GRIA4: variants seen among roughly 807,000 people sequenced by gnomAD.
The protein encoded by GRIA4 is glutamate receptor 4.
A neutral mutation model predicts 104.0 loss-of-function variants in GRIA4; 34 were observed. That is an observed-to-expected ratio of 0.33 (90% confidence interval 0.25 to 0.44). The LOEUF (loss-of-function observed/expected upper bound fraction) is 0.44, where lower values mean the gene tolerates loss of function less well. Ranked by LOEUF, GRIA4 falls within the 20% of genes least tolerant of loss-of-function variation. The probability of loss-of-function intolerance (pLI) is 1.00; values close to 1 mark genes in which losing one functional copy is unlikely to be tolerated. For synonymous variants in GRIA4, 386 were observed against 381.9 expected (o/e 1.01, Z -0.13); for missense variants, 750 against 1,096.5 (o/e 0.68, Z 4.46).
intron 5 of GRIA4, among the ~76,000 whole-genome samples, chr11:105,879,718 G>C (rs965774923): frequency 3.3e-5 from 5 of 152,138 alleles, no homozygotes; most frequent in Non-Finnish European, 7.4e-5. Flanking sequence ...TATTTGTAAG[G>C]AAAGAATTGT....
intron 3 of GRIA4, among the ~76,000 whole-genome samples, chr11:105,644,998 G>A (rs574669991): frequency 1.3e-5 from 2 of 152,220 alleles, no homozygotes; most frequent in South Asian, 4.1e-4. Flanking sequence ...TAGGAGAAAC[G>A]AGAAACTTCC....
chr11:105,785,996 A>G (rs906043631), intron 4 of GRIA4, among the ~76,000 whole-genome samples: 2 of 151,890 alleles, frequency 1.3e-5, no homozygotes, highest in African/African-American at 4.8e-5. Flanking sequence ...AAATACAAAA[A>G]TTAGCTGGGC....
intron 6 of GRIA4, among the ~76,000 whole-genome samples, chr11:105,895,508 T>C (rs1946619402): frequency 6.6e-6 from 1 of 151,658 alleles, no homozygotes; most frequent in Non-Finnish European, 1.5e-5. Flanking sequence ...AATTGGTAGA[T>C]AGGTGATAGA....
At position 105,612,279 on chromosome 11, in the gene GRIA4, G is replaced by C. The variant is rs1445403390; in HGVS notation, c.92G>C (p.Gly31Ala). Residue 31 changes from glycine to alanine, a missense_variant, in exon 3 of 17, where the codon GGT becomes GCT. Gly to Ala is a moderately conservative substitution (Grantham distance 60, BLOSUM62 0). This residue lies in a region of GRIA4 where 410 missense variants were observed against 502.7 expected (regional missense o/e 0.82). Coordinates refer to ENST00000282499, the MANE Select transcript of GRIA4 (RefSeq NM_000829.4). ...GAFPSSVQIG[G>A]LFIRNTDQEY... The stretch of plus-strand genomic sequence containing the variant: ...CTTTTCCTGCTGTTTTTAATAGGTG[G>C]TCTCTTCATCCGAAACACAGATCAG... 1 of 1,613,970 alleles carries C rather than the reference G, an allele frequency of 6.2e-7. No homozygotes were observed. The highest frequency in any genetic ancestry group is 8.5e-7 in the Non-Finnish European group (1 of 1,179,874).
chr11:105,905,461 G>A (rs1332327054), intron 9 of GRIA4, among the ~76,000 whole-genome samples, 160 bp downstream of exon 9: 1 of 152,158 alleles, frequency 6.6e-6, no homozygotes, highest in South Asian at 2.1e-4. Flanking sequence ...TGATAAATGT[G>A]TGTGTCATGT....
At chr11:105,908,853 G>A (rs1947134351) in intron 9 of GRIA4, among the ~76,000 whole-genome samples, 1 of 152,030 alleles carries the variant, frequency 6.6e-6, no homozygotes, top group East Asian at 1.9e-4. Flanking sequence ...GATCTTCAGG[G>A]TGGGTGCATT....
At chr11:105,877,599 T>C (rs1397608077) in intron 5 of GRIA4, among the ~76,000 whole-genome samples, 8 of 152,110 alleles carry the variant, frequency 5.3e-5, no homozygotes, top group African/African-American at 1.9e-4. Flanking sequence ...TGGACGCTTT[T>C]TCATTAGTTT....
At chr11:105,877,711 T>C (rs986876181) in intron 5 of GRIA4, among the ~76,000 whole-genome samples, 1 of 152,178 alleles carries the variant, frequency 6.6e-6, no homozygotes, top group Admixed American at 6.6e-5. Context: ...GCTATTGATA[T>C]TTGTGTACGC....
At chr11:105,781,842 AAG>A (rs1565231679) in intron 4 of GRIA4, among the ~76,000 whole-genome samples, 1 of 152,154 alleles carries the variant, frequency 6.6e-6, no homozygotes, top group Non-Finnish European at 1.5e-5. Context: ...ACCCAATAAA[AAG>A]AGGCATTTAT....
At chr11:105,867,043 C>T (rs907537030) in intron 5 of GRIA4, among the ~76,000 whole-genome samples, 2 of 152,128 alleles carry the variant, frequency 1.3e-5, no homozygotes, top group African/African-American at 2.4e-5. Flanking sequence ...GAACCCCTTT[C>T]AGCAGTATTG....
intron 14 of GRIA4, among the ~76,000 whole-genome samples, chr11:105,956,191 G>A (rs955496867): frequency 3.3e-5 from 5 of 151,912 alleles, no homozygotes; most frequent in African/African-American, 1.2e-4. Context: ...CATGTGCCAT[G>A]TTAGTGTGTT....
chr11:105,943,075 T>C (rs1216605210), intron 14 of GRIA4, among the ~76,000 whole-genome samples: 1 of 152,152 alleles, frequency 6.6e-6, no homozygotes, highest in African/African-American at 2.4e-5. Context: ...CTCTTTGAAG[T>C]TGCAGACACT....
At chr11:105,902,892 A>C (rs1243083879) in intron 7 of GRIA4, among the ~76,000 whole-genome samples, 1 of 152,210 alleles carries the variant, frequency 6.6e-6, no homozygotes, top group Non-Finnish European at 1.5e-5. Context: ...TAGATCTGTC[A>C]TGCTTCAAGA....
intron 3 of GRIA4, among the ~76,000 whole-genome samples, chr11:105,705,276 C>A (rs938509526): frequency 2.6e-5 from 4 of 151,862 alleles, no homozygotes; most frequent in Non-Finnish European, 4.4e-5. Flanking sequence ...CTAAATAGAC[C>A]AGGAATCTAA....
intron 14 of GRIA4, among the ~76,000 whole-genome samples, chr11:105,949,866 A>G (rs1428331340): frequency 6.6e-6 from 1 of 152,194 alleles, no homozygotes; most frequent in Non-Finnish European, 1.5e-5. Context: ...TTTGATTAAG[A>G]GACTAGACTT....
chr11:105,812,590 A>C (rs1943219352), intron 4 of GRIA4, among the ~76,000 whole-genome samples: 1 of 151,986 alleles, frequency 6.6e-6, no homozygotes. Flanking sequence ...AAAGAATATG[A>C]ATATCAAGTG....
rs1444472028 is a variant in GRIA4 at position 105,981,154 on chromosome 11, C to G, written c.*1415C>G. 1 of 152,570 alleles carries G rather than the reference C, an allele frequency of 6.6e-6. No homozygotes were observed. Among genetic ancestry groups the G allele is most frequent in the African/African-American group, 2.4e-5 (1 of 41,420 alleles). 9.5% of individuals were successfully genotyped at this position (152,570 alleles called of 1,614,324 possible). On this transcript the variant is annotated 3_prime_UTR_variant, in exon 17 of 17. Coordinates refer to ENST00000282499, the MANE Select transcript of GRIA4 (RefSeq NM_000829.4). ...TATACTCATGTTTATTTATAAAAAT[C>G]ACCTTATGTATGAATTAAACTAACA...
intron 1 of GRIA4, 74 bp downstream of exon 1, chr11:105,610,502 G>T: frequency 6.4e-6 from 1 of 156,248 alleles, no homozygotes; most frequent in Non-Finnish European, 1.4e-5. Flanking sequence ...CTCGAGGAGG[G>T]GACGCCAGGA....
intron 3 of GRIA4, among the ~76,000 whole-genome samples, chr11:105,653,237 T>A (rs1254803882): frequency 6.6e-6 from 1 of 152,162 alleles, no homozygotes; most frequent in Non-Finnish European, 1.5e-5. Flanking sequence ...ATTTGAGCAC[T>A]TTCATCCTTT....
Sources: allele counts gnomAD v4.1 joint callset (sites outside exome capture counted in the v4.1 genomes callset), GRCh38; gene constraint gnomAD v4.1.1; regional missense constraint gnomAD v4.1.1; transcripts MANE v1.5; gene names NCBI Gene and HGNC (gene_info 2026-07-23, HGNC 2026-07-21).